The following TECTA variants were observed in gnomAD, a reference collection of about 807,000 sequenced individuals.
TECTA encodes alpha-tectorin.
A neutral mutation model predicts 216.8 loss-of-function variants in TECTA; 128 were observed. The observed-to-expected ratio is 0.59, with a 90% CI of 0.51 to 0.68. The LOEUF (loss-of-function observed/expected upper bound fraction) is 0.68, where lower values mean the gene tolerates loss of function less well. Ranked by LOEUF, TECTA falls within the 30% of genes least tolerant of loss-of-function variation. TECTA has a pLI of 0.00. For missense variants in TECTA, 2,551 were observed against 2,786.2 expected (o/e 0.92, Z 1.90); for synonymous variants, 1,089 against 1,117.1 (o/e 0.97, Z 0.50).
intron 7 of TECTA, 79 bp from the exon 8 acceptor site, chr11:121,125,223 C>T: frequency 6.9e-7 from 1 of 1,444,498 alleles, no homozygotes; most frequent in Non-Finnish European, 9.6e-7. Context: ...AGTTGCTTTG[C>T]CTTCCTTTCC....
chr11:121,145,517 G>A (rs774031240), intron 11 of TECTA, 38 bp from the exon 12 acceptor site: 4 of 1,607,844 alleles, frequency 2.5e-6, no homozygotes, highest in Admixed American at 1.7e-5. Flanking sequence ...AAATCTCTGG[G>A]CCAACTGTGT....
At chr11:121,145,232 G>T (rs762816280) in intron 11 of TECTA, among the ~76,000 whole-genome samples, 16 of 152,210 alleles carry the variant, frequency 1.1e-4, no homozygotes, top group Non-Finnish European at 1.9e-4. Flanking sequence ...TGTTTTGGTA[G>T]TTCAGTCTAA....
chr11:121,135,985 G>A (rs929432726), intron 10 of TECTA, among the ~76,000 whole-genome samples: 3 of 151,262 alleles, frequency 2.0e-5, no homozygotes, highest in African/African-American at 7.3e-5. Flanking sequence ...TCCAGACGGA[G>A]TCTCGCTCTG....
intron 20 of TECTA, among the ~76,000 whole-genome samples, chr11:121,177,413 G>C (rs1947178615): frequency 1.3e-5 from 2 of 152,194 alleles, no homozygotes; most frequent in Admixed American, 1.3e-4. Flanking sequence ...CTCAGCTGCA[G>C]GTCTATTGGA....
intron 19 of TECTA, 140 bp downstream of exon 19, chr11:121,168,357 C>G (rs1947076886): frequency 1.7e-6 from 2 of 1,187,364 alleles, no homozygotes; most frequent in Non-Finnish European, 2.5e-6. Context: ...ATGCTTTCAA[C>G]CAACATTGTT....
chr11:121,166,658 C>G lies in TECTA; in HGVS notation c.5464C>G (p.Gln1822Glu). Residue 1822 changes from glutamine to glutamate, a missense_variant, in exon 18 of 24, where the codon CAG becomes GAG. Transcript: ENST00000392793. ...EVSISKCKLF[Q>E]LGFEREGVRI... is the part of the protein sequence containing the mutation. Reference sequence around the variant, plus strand: ...GTCCATATCTAAGTGCAAGCTCTTCCAGCTCGGTTTTGAGAGGGAGGGCGT... The same window carrying G: ...GTCCATATCTAAGTGCAAGCTCTTCGAGCTCGGTTTTGAGAGGGAGGGCGT... 1.2e-6 allele frequency: 2 copies of G among 1,614,170 alleles called. No individual in the cohort carries two copies. Among genetic ancestry groups the G allele is most frequent in the Non-Finnish European group, 1.7e-6 (2 of 1,180,034 alleles).
chr11:121,137,353 TGCAC>T, intron 10 of TECTA, 64 bp from the exon 11 acceptor site: 8 of 1,606,386 alleles, frequency 5.0e-6, no homozygotes, highest in Non-Finnish European at 6.0e-6. Context: ...CACACATGCA[TGCAC>T]GCACACTTCT....
Position 121,145,853 on chromosome 11 carries a change from G to A in TECTA, c.3842G>A (p.Cys1281Tyr). ...VKRDTFCQVG[C>Y]GDRCPSCAKV... ...AGGGACACCTTCTGCCAGGTGGGCT[G>A]TGGGGACCGCTGTCCGTCCTGTGCC... The change falls in exon 12 of 24, where the codon TGT becomes TAT. Residue 1281 changes from cysteine to tyrosine, a missense_variant. Physicochemically the swap from Cys to Tyr is radical, Grantham distance 194. Coordinates refer to ENST00000392793, the MANE Select transcript of TECTA (RefSeq NM_005422.4). 6.2e-7 allele frequency: 1 copy of A among 1,614,264 alleles called. No homozygotes were observed. Among genetic ancestry groups the A allele is most frequent in the Non-Finnish European group, 8.5e-7 (1 of 1,180,044 alleles).
chr11:121,124,381 C>T (rs1233303302), intron 7 of TECTA, among the ~76,000 whole-genome samples: 1 of 152,210 alleles, frequency 6.6e-6, no homozygotes, highest in Non-Finnish European at 1.5e-5. Context: ...CAACCCCACC[C>T]AGCTGTTCCT....
At chr11:121,181,403 T>G (rs1425330656) in intron 20 of TECTA, among the ~76,000 whole-genome samples, 1 of 151,898 alleles carries the variant, frequency 6.6e-6, no homozygotes, top group Non-Finnish European at 1.5e-5. Context: ...GAATTCTTTC[T>G]CAGGTATTTC....
intron 20 of TECTA, among the ~76,000 whole-genome samples, chr11:121,174,001 T>C (rs1451686818): frequency 6.6e-6 from 1 of 152,132 alleles, no homozygotes; most frequent in Non-Finnish European, 1.5e-5. Flanking sequence ...TGTCTGTTAT[T>C]GGTGTATAAG....
intron 20 of TECTA, among the ~76,000 whole-genome samples, chr11:121,180,796 T>C (rs931636458): frequency 6.7e-6 from 1 of 150,072 alleles, no homozygotes; most frequent in African/African-American, 2.5e-5. Context: ...ATAGGATTTC[T>C]TCTTTCTTTC....
At chr11:121,152,797 C>A in intron 12 of TECTA, 84 bp from the exon 13 acceptor site, 1 of 1,446,466 alleles carries the variant, frequency 6.9e-7, no homozygotes, top group Non-Finnish European at 9.5e-7. Flanking sequence ...TTTCATCTCC[C>A]TGAGTAGGTG....
At position 121,152,999 on chromosome 11, in the gene TECTA, C is replaced by T. The variant is rs767767885; in HGVS notation, c.4224C>T (p.Cys1408=). The T allele has an allele frequency of 2.5e-6, 4 of 1,614,170 alleles. No individual in the cohort carries two copies. Among genetic ancestry groups the T allele is most frequent in the East Asian group, 2.2e-5 (1 of 44,886 alleles). The change falls in exon 13 of 24, where the codon TGC becomes TGT. Residue 1408 remains cysteine (C), a synonymous_variant. Transcript: ENST00000392793. ...ACTACTGCGTGGAGGGCTGTCACTG[C>T]GACGCTGGCTACGTCCTCAACGGCA... ...CSHYCVEGCH[C]DAGYVLNGKS...
chr11:121,182,624 G>C (rs949819417), intron 20 of TECTA, among the ~76,000 whole-genome samples: 3 of 152,192 alleles, frequency 2.0e-5, no homozygotes, highest in Middle Eastern at 3.2e-3. Flanking sequence ...CACTGGCAGT[G>C]GGTGGGGCAG....
intron 11 of TECTA, among the ~76,000 whole-genome samples, chr11:121,142,000 G>T (rs1946789174): frequency 6.6e-6 from 1 of 152,138 alleles, no homozygotes; most frequent in African/African-American, 2.4e-5. Context: ...TGGAAGAGGA[G>T]ACCCAGAGCT....
intron 20 of TECTA, among the ~76,000 whole-genome samples, chr11:121,178,301 G>C (rs1343105172): frequency 6.6e-6 from 1 of 152,204 alleles, no homozygotes; most frequent in Admixed American, 6.5e-5. Context: ...GACTGGAGCT[G>C]TTCCTATTCA....
At chr11:121,188,774 G>T (rs761138665) in intron 21 of TECTA, among the ~76,000 whole-genome samples, 2 of 152,264 alleles carry the variant, frequency 1.3e-5, no homozygotes, top group Non-Finnish European at 2.9e-5. Context: ...ATGAGACACA[G>T]CAATCCTATT....
intron 13 of TECTA, among the ~76,000 whole-genome samples, chr11:121,156,660 T>TTATTA (rs562809075): frequency 0.038 from 5,457 of 145,332 alleles, 179 homozygotes; most frequent in African/African-American, 0.087. Flanking sequence ...TATTATTATT[T>TTATTA]TTATTATTAT....
Sources: gnomAD v4.1 joint callset for allele counts (sites outside exome capture counted in the v4.1 genomes callset) on GRCh38, gnomAD v4.1.1 for gene constraint, MANE v1.5 for transcripts, NCBI Gene and HGNC (gene_info 2026-07-23, HGNC 2026-07-21) for gene names.